Variants in DNM3 observed in about 807,000 individuals in gnomAD.
DNM3 encodes the protein dynamin 3.
Under a neutral mutation model 101.6 loss-of-function variants are expected in DNM3, and 47 were observed. That is an observed-to-expected ratio of 0.46 (90% CI 0.37 to 0.59). The LOEUF (loss-of-function observed/expected upper bound fraction) is 0.59, where lower values mean the gene tolerates loss of function less well. Among genes scored for constraint, DNM3 ranks in the 20% least tolerant of loss-of-function variants. The pLI is 0.00. For missense variants in DNM3, 849 were observed against 1,085.7 expected, an observed-to-expected ratio of 0.78 and a Z score of 3.06; for synonymous variants, 385 against 387.9, an observed-to-expected ratio of 0.99 and a Z score of 0.09.
chr1:172,302,810 A>T (rs1254578377), intron 15 of DNM3, among the ~76,000 whole-genome samples: 1 of 152,162 alleles, frequency 6.6e-6, no homozygotes, highest in African/African-American at 2.4e-5. Context: ...AAGAAAACTG[A>T]CAAACAGAAA....
intron 20 of DNM3, among the ~76,000 whole-genome samples, chr1:172,398,902 T>C (rs961615521): frequency 1.3e-5 from 2 of 152,220 alleles, no homozygotes; most frequent in Non-Finnish European, 2.9e-5. Context: ...AAACAAAAGT[T>C]TGACTTCTTG....
intron 13 of DNM3, among the ~76,000 whole-genome samples, chr1:172,114,075 C>T (rs1183436212): frequency 6.6e-6 from 1 of 152,000 alleles, no homozygotes; most frequent in African/African-American, 2.4e-5. Flanking sequence ...AACAAAAAGA[C>T]AAATGAGCAA....
intron 1 of DNM3, among the ~76,000 whole-genome samples, chr1:171,880,585 T>C (rs1010650752): frequency 2.0e-5 from 3 of 152,212 alleles, no homozygotes; most frequent in Non-Finnish European, 2.9e-5. Context: ...TGGAATGTTC[T>C]ATGAAGTAAT....
At chr1:172,177,107 T>C (rs1214704082) in intron 14 of DNM3, among the ~76,000 whole-genome samples, 1 of 151,824 alleles carries the variant, frequency 6.6e-6, no homozygotes, top group East Asian at 1.9e-4. Context: ...AGAACAATGA[T>C]ATAATTCTGA....
intron 2 of DNM3, among the ~76,000 whole-genome samples, chr1:171,940,157 C>G (rs528276692): frequency 1.3e-5 from 2 of 152,166 alleles, no homozygotes; most frequent in African/African-American, 4.8e-5. Flanking sequence ...TTTGTACTCA[C>G]TCTAGGTGTT....
chr1:172,036,535 G>A (rs913112156), intron 6 of DNM3, among the ~76,000 whole-genome samples: 46 of 152,166 alleles, frequency 3.0e-4, no homozygotes, highest in African/African-American at 1.1e-3. Context: ...AGAAAAACAA[G>A]CAATGGGGAA....
At chr1:172,169,249 A>G (rs2058861167) in intron 14 of DNM3, among the ~76,000 whole-genome samples, 1 of 151,902 alleles carries the variant, frequency 6.6e-6, no homozygotes, top group Non-Finnish European at 1.5e-5. Flanking sequence ...AACCTGAATG[A>G]GCTGAGTTTG....
intron 14 of DNM3, among the ~76,000 whole-genome samples, chr1:172,237,981 A>T (rs2148637019): frequency 6.6e-6 from 1 of 152,046 alleles, no homozygotes; most frequent in South Asian, 2.1e-4. Context: ...ACTTCCATCC[A>T]CTCAAGGCAT....
chr1:172,314,965 G>A (rs930498586), intron 16 of DNM3, among the ~76,000 whole-genome samples: 16 of 152,252 alleles, frequency 1.1e-4, no homozygotes, highest in Admixed American at 5.9e-4. Flanking sequence ...CCTGACTCCC[G>A]AGCAGCCTAA....
At chr1:172,212,699 T>C (rs2060554668) in intron 14 of DNM3, among the ~76,000 whole-genome samples, 1 of 152,160 alleles carries the variant, frequency 6.6e-6, no homozygotes, top group East Asian at 1.9e-4. Context: ...TCTTAGAAAT[T>C]ATTTCTTAAA....
chr1:172,310,855 G>A (rs2065049904), intron 16 of DNM3: 1 of 152,280 alleles, frequency 6.6e-6, no homozygotes, highest in African/African-American at 2.4e-5. Context: ...ACTTAGTGAC[G>A]ATTTATATAT....
chr1:172,043,405 C>G (rs1489184781), intron 8 of DNM3, among the ~76,000 whole-genome samples: 2 of 152,054 alleles, frequency 1.3e-5, no homozygotes, highest in Non-Finnish European at 2.9e-5. Context: ...CTACTTGTCT[C>G]AAACAGAGAG....
intron 4 of DNM3, among the ~76,000 whole-genome samples, chr1:171,992,259 A>G (rs930443029): frequency 6.6e-6 from 1 of 152,186 alleles, no homozygotes; most frequent in Non-Finnish European, 1.5e-5. Context: ...CAGGCTTTTC[A>G]GAAGAAGATT....
intron 15 of DNM3, among the ~76,000 whole-genome samples, chr1:172,257,572 TA>T (rs1470464463): frequency 6.6e-6 from 1 of 152,144 alleles, no homozygotes; most frequent in African/African-American, 2.4e-5. Flanking sequence ...TTTTGGTTAA[TA>T]TTTTTTATTG....
chr1:172,338,460 C>T (rs1159278319), intron 17 of DNM3, among the ~76,000 whole-genome samples: 3 of 152,196 alleles, frequency 2.0e-5, no homozygotes, highest in Admixed American at 2.0e-4. Flanking sequence ...TTTCGAATCA[C>T]ATCCTTCCCA....
chr1:171,841,930 T>G (rs1571199435), intron 1 of DNM3, 113 bp downstream of exon 1: 5 of 759,536 alleles, frequency 6.6e-6, no homozygotes, highest in Non-Finnish European at 4.9e-6. Flanking sequence ...GGCGCTGCGG[T>G]GGAATGGGGG....
intron 15 of DNM3, among the ~76,000 whole-genome samples, chr1:172,281,458 A>G (rs1405990806): frequency 6.6e-6 from 1 of 151,978 alleles, no homozygotes; most frequent in East Asian, 1.9e-4. Context: ...TGACACCCCC[A>G]TTTTCCCCAA....
chr1:172,163,730 G>A (rs1425634309), intron 14 of DNM3, among the ~76,000 whole-genome samples: 1 of 151,996 alleles, frequency 6.6e-6, no homozygotes, highest in Non-Finnish European at 1.5e-5. Flanking sequence ...GTGAGATCAT[G>A]CACTATTTGT....
At chr1:171,850,799 G>C (rs1446452471) in intron 1 of DNM3, among the ~76,000 whole-genome samples, 1 of 148,004 alleles carries the variant, frequency 6.8e-6, no homozygotes, top group Non-Finnish European at 1.5e-5. Flanking sequence ...AGTAAGTTAA[G>C]AAGGGAAGTG....
Sources: allele counts gnomAD v4.1 joint callset (sites outside exome capture counted in the v4.1 genomes callset), GRCh38; gene constraint gnomAD v4.1.1; transcripts MANE v1.5; gene names NCBI Gene and HGNC (gene_info 2026-07-23, HGNC 2026-07-21).